RNF157: variants seen among roughly 807,000 people sequenced by gnomAD.
RNF157 encodes ring finger protein 157, also known as E3 ubiquitin ligase RNF157.
A neutral mutation model predicts 88.3 loss-of-function variants in RNF157; 55 were observed. That is an observed-to-expected ratio of 0.62 (90% CI 0.50 to 0.78). The LOEUF is 0.78. Among genes scored for constraint, RNF157 ranks in the 30% least tolerant of loss-of-function variants. The pLI is 0.00. For synonymous variants in RNF157, 334 were observed against 341.2 expected, an observed-to-expected ratio of 0.98 and a Z score of 0.23; for missense variants, 788 against 860.8, an observed-to-expected ratio of 0.92 and a Z score of 1.06.
chr17:76,154,311 C>T lies in RNF157; in HGVS notation c.1782G>A (p.Glu594=). Residue 594 remains glutamate, a synonymous_variant, in exon 17 of 19, where the codon GAG becomes GAA. Coordinates refer to ENST00000269391, the MANE Select transcript of RNF157 (RefSeq NM_052916.3). ...CCTGCGTGGGTGATCCATCCTCTTC[C>T]TCTATAACATCATTTCCCTAGGACA... ...EQDAEGNDVI[E]EEDGSPTQEG... The T allele has an allele frequency of 6.2e-7, 1 of 1,612,374 alleles. No individual in the cohort carries two copies. The highest frequency in any genetic ancestry group is 1.1e-5 in the South Asian group (1 of 91,048).
In RNF157 at chr17:76,170,371, G is replaced by C. The variant is rs543639832; in HGVS notation, c.297-2574C>G. On this transcript the variant is annotated intron_variant, in intron 3 of 18. Coordinates refer to ENST00000269391, the MANE Select transcript of RNF157 (RefSeq NM_052916.3). ...AGCCTCCCAAGTAGCTGGGACTACA[G>C]GTGTGCACTACCATGCTTGGCTAAT... 3.9e-5 allele frequency among the ~76,000 whole-genome samples: 6 copies of C among 152,248 alleles called. No homozygotes were observed. The South Asian group carries it at 1.2e-3, about 32-fold the overall frequency.
intron 3 of RNF157, among the ~76,000 whole-genome samples, chr17:76,168,503 G>A (rs1454235123): frequency 6.6e-6 from 1 of 150,826 alleles, no homozygotes; most frequent in Non-Finnish European, 1.5e-5. Flanking sequence ...CTCTGGGGCT[G>A]TCTAAATCTC....
At chr17:76,200,266 A>C (rs1403811763) in intron 2 of RNF157, among the ~76,000 whole-genome samples, 2 of 152,004 alleles carry the variant, frequency 1.3e-5, no homozygotes, top group Admixed American at 6.6e-5. Context: ...CAAAAACAAA[A>C]ACCAAAAAAA....
intron 2 of RNF157, among the ~76,000 whole-genome samples, chr17:76,198,122 G>A (rs994946787): frequency 4.6e-5 from 7 of 152,176 alleles, no homozygotes; most frequent in South Asian, 4.1e-4. Context: ...TTACTCAACC[G>A]GGGCCTGCTG....
intron 2 of RNF157, among the ~76,000 whole-genome samples, chr17:76,187,174 C>T (rs1241701153): frequency 6.6e-6 from 1 of 151,556 alleles, no homozygotes; most frequent in Non-Finnish European, 1.5e-5. Context: ...ATAGGATTTT[C>T]TTTTTTTCTT....
At chr17:76,166,841 T>G (rs1426406353) in intron 5 of RNF157, among the ~76,000 whole-genome samples, 168 bp downstream of exon 5, 1 of 152,160 alleles carries the variant, frequency 6.6e-6, no homozygotes, top group East Asian at 1.9e-4. Context: ...AGGTATATCC[T>G]TGATGCAAAA....
At position 76,160,147 on chromosome 17, in the gene RNF157, G is replaced by C. The variant is rs192916809; in HGVS notation, c.1066-574C>G. On this transcript the variant is annotated intron_variant, in intron 11 of 18. Transcript: ENST00000269391. The surrounding 1 kb of genome is among the most constrained non-coding windows in gnomAD (Gnocchi z 4.3). The stretch of plus-strand genomic sequence containing the variant: ...AACATAAATATTTTCCTTTGTTTCT[G>C]AAGCCTCTTTATATATGTCCCCTTC... Among the ~76,000 whole-genome samples the C allele has an allele frequency of 9.2e-5, 14 of 152,216 alleles. No homozygotes were observed. The highest frequency in any genetic ancestry group is 7.7e-4 in the East Asian group (4 of 5,188).
chr17:76,216,891 A>G (rs996212629), intron 1 of RNF157, among the ~76,000 whole-genome samples: 3 of 149,008 alleles, frequency 2.0e-5, no homozygotes, highest in African/African-American at 7.4e-5. Flanking sequence ...ACCCTGTGTC[A>G]AAAAAAAACA....
At chr17:76,234,658 T>C (rs1379131992) in intron 1 of RNF157, among the ~76,000 whole-genome samples, 1 of 152,248 alleles carries the variant, frequency 6.6e-6, no homozygotes, top group Non-Finnish European at 1.5e-5. Flanking sequence ...GTCCACTGTA[T>C]ATCTTTTTTG....
At chr17:76,208,098 A>G (rs1159266890) in intron 2 of RNF157, among the ~76,000 whole-genome samples, 1 of 151,282 alleles carries the variant, frequency 6.6e-6, no homozygotes, top group Non-Finnish European at 1.5e-5. Flanking sequence ...ATCATTTTAT[A>G]TTTTGTAGAG....
intron 2 of RNF157, among the ~76,000 whole-genome samples, chr17:76,177,219 C>A (rs1049056331): frequency 6.6e-6 from 1 of 151,988 alleles, no homozygotes; most frequent in Non-Finnish European, 1.5e-5. Context: ...TCCACAGAGC[C>A]GGTGGAAGCC....
intron 1 of RNF157, among the ~76,000 whole-genome samples, chr17:76,231,156 C>T (rs993604748): frequency 1.2e-4 from 19 of 152,046 alleles, no homozygotes; most frequent in African/African-American, 4.6e-4. Context: ...GGCCACAACG[C>T]CCAGCTAATT....
At chr17:76,186,455 C>G (rs796441485) in intron 2 of RNF157, among the ~76,000 whole-genome samples, 15 of 148,654 alleles carry the variant, frequency 1.0e-4, no homozygotes, top group African/African-American at 3.7e-4. Flanking sequence ...TGCAGTGAGC[C>G]GAGATCACAC....
In RNF157 at chr17:76,181,673, C is replaced by T. The variant is rs188408299; in HGVS notation, c.208-7883G>A. ...ATCTAATCCCAGCACTTTGGGAAGC[C>T]GAGACAGGCAGATCACCTGAGGTCC... On this transcript the variant is annotated intron_variant, in intron 2 of 18. Coordinates refer to ENST00000269391, the MANE Select transcript of RNF157 (RefSeq NM_052916.3). 4.9e-3 allele frequency among the ~76,000 whole-genome samples: 735 copies of T among 150,040 alleles called. 4 individuals carry two copies. The highest frequency in any genetic ancestry group is 5.5e-3 in the Non-Finnish European group (370 of 66,942).
intron 2 of RNF157, among the ~76,000 whole-genome samples, chr17:76,205,124 T>C (rs920110362): frequency 2.0e-5 from 3 of 151,148 alleles, no homozygotes; most frequent in Non-Finnish European, 4.4e-5. Context: ...TCCCTTCCTC[T>C]TTTCTTTTCT....
At chr17:76,192,697 C>T (rs1015951130) in intron 2 of RNF157, among the ~76,000 whole-genome samples, 1 of 152,122 alleles carries the variant, frequency 6.6e-6, no homozygotes, top group African/African-American at 2.4e-5. Flanking sequence ...ACTGAGTAAG[C>T]TTGACTAGCA....
At chr17:76,183,661 T>C (rs1034187922) in intron 2 of RNF157, among the ~76,000 whole-genome samples, 8 of 152,146 alleles carry the variant, frequency 5.3e-5, no homozygotes, top group Non-Finnish European at 8.8e-5. Context: ...AAAACATTTA[T>C]GGATATAGAA....
At chr17:76,179,377 G>A (rs1053518231) in intron 2 of RNF157, among the ~76,000 whole-genome samples, 2 of 150,828 alleles carry the variant, frequency 1.3e-5, no homozygotes, top group Admixed American at 1.3e-4. Context: ...TTGGGGGAGA[G>A]AGTGAGACCA....
intron 18 of RNF157, among the ~76,000 whole-genome samples, chr17:76,148,381 C>G (rs531538059): frequency 1.1e-4 from 16 of 150,366 alleles, no homozygotes; most frequent in South Asian, 1.0e-3. Context: ...ATTCTACTGT[C>G]GCAGCCTCCT....
Sources: gnomAD v4.1 joint callset for allele counts (sites outside exome capture counted in the v4.1 genomes callset) on GRCh38, gnomAD v4.1.1 for gene constraint, Gnocchi (gnomAD v3.1) non-coding constraint, MANE v1.5 for transcripts, NCBI Gene and HGNC (gene_info 2026-07-23, HGNC 2026-07-21) for gene names.